The following HIVEP1 variants were observed in gnomAD, a reference collection of about 807,000 sequenced individuals.
The protein encoded by HIVEP1 is HIVEP zinc finger 1.
HIVEP1 carries 36 observed loss-of-function variants against 180.0 expected under a neutral mutation model. That is an observed-to-expected ratio of 0.20 (90% CI 0.15 to 0.26). The LOEUF (loss-of-function observed/expected upper bound fraction) is 0.26. Ranked by LOEUF, HIVEP1 falls within the 10% of genes least tolerant of loss-of-function variation. The pLI, the probability that HIVEP1 is intolerant of heterozygous loss-of-function variation, is 1.00. For missense variants in HIVEP1, 3,143 were observed against 3,268.7 expected (o/e 0.96, Z 0.94); for synonymous variants, 1,239 against 1,239.0 (o/e 1.00, Z 0.00).
At chr6:12,114,191 A>T (rs1326868292) in intron 3 of HIVEP1, among the ~76,000 whole-genome samples, 1 of 151,700 alleles carries the variant, frequency 6.6e-6, no homozygotes, top group African/African-American at 2.4e-5. Context: ...GCCCTCCTTC[A>T]CTCCTTACTG....
chr6:12,140,955 A>T (rs955702909), intron 7 of HIVEP1, among the ~76,000 whole-genome samples: 1 of 152,204 alleles, frequency 6.6e-6, no homozygotes. Context: ...TAGGGATATT[A>T]TCCAGGAGAA....
rs191036044 is a variant in HIVEP1, at chr6:12,035,063, T to C, written c.40+19395T>C. Among the ~76,000 whole-genome samples, 218 of 152,370 alleles carry C rather than the reference T, an allele frequency of 1.4e-3. 1 individual carries two copies. The highest frequency in any genetic ancestry group is 2.4e-3 in the Admixed American group (37 of 15,308). On this transcript the variant is annotated intron_variant, in intron 2 of 8. Transcript: ENST00000379388. The stretch of plus-strand genomic sequence containing the variant: ...CACCTCATGGATGTGGATGTTATTA[T>C]TTCTGGTTACGGAAAGTGTGTATGT...
chr6:12,118,526 G>T (rs1314135146), intron 3 of HIVEP1, among the ~76,000 whole-genome samples: 1 of 152,150 alleles, frequency 6.6e-6, no homozygotes, highest in Non-Finnish European at 1.5e-5. Flanking sequence ...CTTAAATACT[G>T]ATTTATTTCC....
intron 2 of HIVEP1, among the ~76,000 whole-genome samples, chr6:12,041,125 GAAAT>G (rs1003529054): frequency 1.3e-5 from 2 of 152,212 alleles, no homozygotes; most frequent in East Asian, 1.9e-4. Context: ...TCTGTTTTTA[GAAAT>G]AAATAGCCAG....
chr6:12,021,012 T>C (rs1581508353), intron 2 of HIVEP1, among the ~76,000 whole-genome samples: 1 of 149,278 alleles, frequency 6.7e-6, no homozygotes, highest in East Asian at 2.1e-4. Context: ...TGCCTCAGCC[T>C]CCCAAGTAGC....
rs1360635455 is a variant in HIVEP1 at position 12,122,786 on chromosome 6, T to G, written c.2991T>G (p.Pro997=). The G allele has an allele frequency of 1.9e-6, 3 of 1,612,628 alleles. No homozygotes were observed. Among genetic ancestry groups the G allele is most frequent in the Non-Finnish European group, 2.5e-6 (3 of 1,179,682 alleles). The change falls in exon 4 of 9, where the codon CCT becomes CCG. Residue 997 remains proline, a synonymous_variant. Coordinates refer to ENST00000379388, the MANE Select transcript of HIVEP1 (RefSeq NM_002114.4). ...AAACAAAGGTAGCCATGAGAGAACC[T>G]GAGCACAGCCCTGTGCCCGGCGGTC... is the stretch of plus-strand genomic sequence containing the variant. The part of the protein sequence containing the change: ...GPKTKVAMRE[P]EHSPVPGGLQ...
chr6:12,158,417 A>G (rs1392583952), intron 7 of HIVEP1, among the ~76,000 whole-genome samples: 1 of 152,166 alleles, frequency 6.6e-6, no homozygotes, highest in Non-Finnish European at 1.5e-5. Flanking sequence ...TCACCTGTTC[A>G]GTTCTAGTTT....
At chr6:12,056,387 C>T (rs1770873024) in intron 2 of HIVEP1, among the ~76,000 whole-genome samples, 2 of 152,146 alleles carry the variant, frequency 1.3e-5, no homozygotes, top group Admixed American at 1.3e-4. Flanking sequence ...CAGTCGAATT[C>T]ATAGCAGTTA....
the HIVEP1 span, among the ~76,000 whole-genome samples, chr6:12,180,927 G>T: frequency 6.6e-6 from 1 of 152,204 alleles, no homozygotes; most frequent in African/African-American, 2.4e-5. Flanking sequence ...TAAGATAGAC[G>T]TAGCTATATT....
chr6:12,052,446 C>T (rs546244396), intron 2 of HIVEP1, among the ~76,000 whole-genome samples: 3 of 152,166 alleles, frequency 2.0e-5, no homozygotes, highest in South Asian at 2.1e-4. Context: ...CAATAGTGTC[C>T]GAACCTTATG....
intron 2 of HIVEP1, among the ~76,000 whole-genome samples, chr6:12,083,973 A>T (rs1459799876): frequency 6.6e-6 from 1 of 152,158 alleles, no homozygotes; most frequent in Non-Finnish European, 1.5e-5. Context: ...GAGGCATGCC[A>T]GCTGTATGAA....
At position 12,015,591 on chromosome 6, in the gene HIVEP1, G is replaced by C. The variant is rs377556475; in HGVS notation, c.-38G>C. The C allele has an allele frequency of 1.3e-6, 2 of 1,596,968 alleles. No homozygotes were observed. The highest frequency in any genetic ancestry group is 4.5e-5 in the East Asian group (2 of 44,748). The stretch of plus-strand genomic sequence containing the variant: ...CTTTTGGTGGCTTGCTTTATCTGCA[G>C]TTTTTAAGAAGAAAAAGAAGGCCCT... On this transcript the variant is annotated 5_prime_UTR_variant, in exon 2 of 9. Transcript: ENST00000379388.
At chr6:12,153,575 A>C (rs1358879885) in intron 7 of HIVEP1, among the ~76,000 whole-genome samples, 1 of 3,598 alleles carries the variant, frequency 2.8e-4, no homozygotes, top group African/African-American at 3.8e-4. Flanking sequence ...GAAATGCAAA[A>C]AAAAAAAAAA....
chr6:12,037,435 G>A (rs977938247), intron 2 of HIVEP1, among the ~76,000 whole-genome samples: 2 of 152,150 alleles, frequency 1.3e-5, no homozygotes, highest in Non-Finnish European at 2.9e-5. Context: ...TCCTGAGACC[G>A]TTTATTGCAT....
At chr6:12,133,979 C>CAAA (rs111307585) in intron 6 of HIVEP1, among the ~76,000 whole-genome samples, 1 of 117,402 alleles carries the variant, frequency 8.5e-6, no homozygotes. Flanking sequence ...CCGTCTCAAC[C>CAAA]AAAAAAAAAA....
At chr6:12,154,645 G>T (rs1424643190) in intron 7 of HIVEP1, among the ~76,000 whole-genome samples, 5 of 152,106 alleles carry the variant, frequency 3.3e-5, no homozygotes, top group African/African-American at 1.2e-4. Flanking sequence ...TGTTGGGGGT[G>T]GGGGACAAGG....
intron 2 of HIVEP1, among the ~76,000 whole-genome samples, chr6:12,068,485 T>C (rs1771747920): frequency 6.6e-6 from 1 of 152,220 alleles, no homozygotes; most frequent in South Asian, 2.1e-4. Flanking sequence ...AGTATTATTG[T>C]CAGTTAGATG....
chr6:12,162,026 T>C (rs1385265730), intron 8 of HIVEP1, 97 bp downstream of exon 8: 1 of 1,125,570 alleles, frequency 8.9e-7, no homozygotes, highest in Non-Finnish European at 1.3e-6. Context: ...ACTTAAGTGA[T>C]TTTTTTAGGC....
At chr6:12,045,169 A>G (rs929945315) in intron 2 of HIVEP1, among the ~76,000 whole-genome samples, 2 of 152,120 alleles carry the variant, frequency 1.3e-5, no homozygotes, top group African/African-American at 4.8e-5. Flanking sequence ...GGGCATTTTT[A>G]TTCATATGCT....
Sources: gnomAD v4.1 joint callset for allele counts (sites outside exome capture counted in the v4.1 genomes callset) on GRCh38, gnomAD v4.1.1 for gene constraint, MANE v1.5 for transcripts, NCBI Gene and HGNC (gene_info 2026-07-23, HGNC 2026-07-21) for gene names.